Variants in RPS6KC1 observed in about 807,000 individuals in gnomAD.
RPS6KC1 encodes the protein ribosomal protein S6 kinase C1.
In RPS6KC1, 54 loss-of-function variants were observed where a neutral mutation model predicts 103.8. The ratio of observed to expected loss-of-function variants is 0.52; its 90% CI spans 0.42 to 0.65. The LOEUF is 0.65. RPS6KC1 is among the 30% of genes least tolerant of loss of function. RPS6KC1 has a pLI of 0.00. For synonymous variants in RPS6KC1, 439 were observed against 438.7 expected, an observed-to-expected ratio of 1.00 and a Z score of -0.01; for missense variants, 1,151 against 1,253.8, an observed-to-expected ratio of 0.92 and a Z score of 1.24.
chr1:213,625,574 C>T, the RPS6KC1 span, among the ~76,000 whole-genome samples: 1 of 152,194 alleles, frequency 6.6e-6, no homozygotes, highest in Non-Finnish European at 1.5e-5. Context: ...TGCTATCCCT[C>T]CTCCCTCCTC....
the RPS6KC1 span, among the ~76,000 whole-genome samples, chr1:213,321,717 G>T: frequency 6.6e-6 from 1 of 152,202 alleles, no homozygotes; most frequent in African/African-American, 2.4e-5. Flanking sequence ...TATGTAGTAT[G>T]TCAGAGAGTT....
the RPS6KC1 span, among the ~76,000 whole-genome samples, chr1:213,693,581 C>T: frequency 2.6e-5 from 4 of 152,218 alleles, no homozygotes; most frequent in African/African-American, 9.6e-5. Context: ...TGAGTGGTCA[C>T]TGAGCCACAG....
At chr1:213,099,224 G>C (rs2081780460) in intron 3 of RPS6KC1, among the ~76,000 whole-genome samples, 1 of 152,124 alleles carries the variant, frequency 6.6e-6, no homozygotes, top group African/African-American at 2.4e-5. Context: ...ATTAGTTCTA[G>C]AAGTTATTTC....
chr1:213,486,384 C>T, the RPS6KC1 span, among the ~76,000 whole-genome samples: 1 of 152,008 alleles, frequency 6.6e-6, no homozygotes, highest in Non-Finnish European at 1.5e-5. Flanking sequence ...ACCTGAGCTT[C>T]CCAGTTTAAT....
At chr1:213,458,028 A>G in the RPS6KC1 span, among the ~76,000 whole-genome samples, 1 of 152,132 alleles carries the variant, frequency 6.6e-6, no homozygotes. Flanking sequence ...GATCCAGGGG[A>G]TGCATTGTGG....
chr1:213,303,702 C>T, the RPS6KC1 span, among the ~76,000 whole-genome samples: 1 of 152,164 alleles, frequency 6.6e-6, no homozygotes, highest in African/African-American at 2.4e-5. Context: ...TTTTCTTCTC[C>T]TCAGGATTTT....
chr1:213,450,499 G>T, the RPS6KC1 span, among the ~76,000 whole-genome samples: 1 of 152,076 alleles, frequency 6.6e-6, no homozygotes, highest in Non-Finnish European at 1.5e-5. Flanking sequence ...TCTTGTGTGG[G>T]TGCCTGTGGT....
At chr1:213,450,333 ATTTT>A in the RPS6KC1 span, among the ~76,000 whole-genome samples, 49 of 138,052 alleles carry the variant, frequency 3.5e-4, no homozygotes, top group African/African-American at 1.2e-3. Flanking sequence ...GAGTTTGTAG[ATTTT>A]TTTTTTTTTT....
At chr1:213,798,123 A>G in the RPS6KC1 span, among the ~76,000 whole-genome samples, 1 of 152,220 alleles carries the variant, frequency 6.6e-6, no homozygotes, top group Non-Finnish European at 1.5e-5. Flanking sequence ...AACTGTGCCC[A>G]GGCTCCCAGT....
At chr1:213,503,931 AT>A in the RPS6KC1 span, among the ~76,000 whole-genome samples, 2 of 152,194 alleles carry the variant, frequency 1.3e-5, no homozygotes, top group Non-Finnish European at 2.9e-5. Flanking sequence ...GTATAAAAAA[AT>A]ATGTTCAAGG....
At chr1:213,346,028 C>T in the RPS6KC1 span, among the ~76,000 whole-genome samples, 1 of 152,186 alleles carries the variant, frequency 6.6e-6, no homozygotes, top group East Asian at 1.9e-4. Context: ...CTCTCATATA[C>T]ATCCCACCCT....
the RPS6KC1 span, among the ~76,000 whole-genome samples, chr1:213,427,779 TC>T: frequency 3.3e-5 from 5 of 152,334 alleles, no homozygotes; most frequent in East Asian, 7.7e-4. Flanking sequence ...AGCTATGAAA[TC>T]TGCTAAAATC....
the RPS6KC1 span, among the ~76,000 whole-genome samples, chr1:213,402,909 C>T: frequency 7.3e-6 from 1 of 136,130 alleles, no homozygotes; most frequent in African/African-American, 2.7e-5. Context: ...GGTCAGGAGA[C>T]AGAGACCATC....
the RPS6KC1 span, among the ~76,000 whole-genome samples, chr1:213,288,421 A>G: frequency 6.6e-6 from 1 of 152,208 alleles, no homozygotes. Flanking sequence ...TGAACCAACA[A>G]TGGTTTCTGA....
intron 4 of RPS6KC1, among the ~76,000 whole-genome samples, chr1:213,112,154 A>G (rs1032404130): frequency 6.6e-6 from 1 of 152,088 alleles, no homozygotes; most frequent in Non-Finnish European, 1.5e-5. Flanking sequence ...GGGGGCTTGT[A>G]ATTCTTTTGA....
the RPS6KC1 span, among the ~76,000 whole-genome samples, chr1:213,813,515 G>A: frequency 6.6e-6 from 1 of 152,182 alleles, no homozygotes; most frequent in Non-Finnish European, 1.5e-5. Flanking sequence ...ACTCAAGGAT[G>A]TTAATTTGCA....
At chr1:213,451,442 C>T in the RPS6KC1 span, among the ~76,000 whole-genome samples, 6 of 152,282 alleles carry the variant, frequency 3.9e-5, no homozygotes, top group South Asian at 2.1e-4. Context: ...TTAGTTCATC[C>T]GTGCAGTTGA....
downstream of RPS6KC1, among the ~76,000 whole-genome samples, chr1:213,275,918 C>T (rs1230368678): frequency 7.2e-5 from 11 of 152,192 alleles, no homozygotes; most frequent in Non-Finnish European, 1.6e-4. Flanking sequence ...TTACTTTCTA[C>T]TTCTATTAAT....
chr1:213,319,008 A>G, the RPS6KC1 span, among the ~76,000 whole-genome samples: 1 of 152,166 alleles, frequency 6.6e-6, no homozygotes, highest in Admixed American at 6.5e-5. Context: ...AGTGTCATAC[A>G]AGAAGTAAGC....
Sources: gnomAD v4.1 joint callset for allele counts (sites outside exome capture counted in the v4.1 genomes callset) on GRCh38, gnomAD v4.1.1 for gene constraint, MANE v1.5 for transcripts, NCBI Gene and HGNC (gene_info 2026-07-23, HGNC 2026-07-21) for gene names.